Variants in SHB observed in about 807,000 individuals in gnomAD.
SHB encodes SH2 domain containing adaptor protein B.
SHB carries 20 observed loss-of-function variants against 52.3 expected under a neutral mutation model. The observed-to-expected ratio is 0.38, with a 90% confidence interval of 0.27 to 0.56. The LOEUF (loss-of-function observed/expected upper bound fraction) is 0.56. Among genes scored for constraint, SHB ranks in the 20% least tolerant of loss-of-function variants. The pLI, the probability that SHB is intolerant of heterozygous loss-of-function variation, is 0.71. For missense variants in SHB, 825 were observed against 723.3 expected, an observed-to-expected ratio of 1.14 and a Z score of -1.61; for synonymous variants, 397 against 316.5, an observed-to-expected ratio of 1.25 and a Z score of -2.70.
intron 2 of SHB, among the ~76,000 whole-genome samples, chr9:37,991,911 C>T (rs899953980): frequency 6.6e-6 from 1 of 152,222 alleles, no homozygotes; most frequent in Non-Finnish European, 1.5e-5. Flanking sequence ...TTACAGGCAG[C>T]ACCACGACAG....
chr9:37,957,992 C>T (rs1245546165), intron 3 of SHB, among the ~76,000 whole-genome samples: 1 of 152,160 alleles, frequency 6.6e-6, no homozygotes, highest in South Asian at 2.1e-4. Context: ...GCTGGGCTTC[C>T]TAGTCTTGGG....
At chr9:37,960,263 C>G (rs940300393) in intron 3 of SHB, among the ~76,000 whole-genome samples, 1 of 152,228 alleles carries the variant, frequency 6.6e-6, no homozygotes, top group African/African-American at 2.4e-5. Context: ...TGCTCTCATT[C>G]CTTCTAATTA....
chr9:37,967,370 T>C (rs1820539126), intron 3 of SHB, among the ~76,000 whole-genome samples: 1 of 152,152 alleles, frequency 6.6e-6, no homozygotes, highest in Non-Finnish European at 1.5e-5. Flanking sequence ...TGATGAGGCT[T>C]TGAAGGTGTC....
intron 3 of SHB, among the ~76,000 whole-genome samples, chr9:37,966,350 T>C (rs550646968): frequency 6.6e-6 from 1 of 152,342 alleles, no homozygotes; most frequent in Non-Finnish European, 1.5e-5. Context: ...TCTATCAATG[T>C]AATTAGCAGA....
At position 37,997,682 on chromosome 9, in the gene SHB, T is replaced by G. The variant is rs956725797; in HGVS notation, c.838+18329A>C. ...TACTGCTACCCCAAGTTATCTCATC[T>G]TTGTGGTTGGCCTTCTGGGCTGTCC... On this transcript the variant is annotated intron_variant, in intron 2 of 5. Coordinates refer to ENST00000377707, the MANE Select transcript of SHB (RefSeq NM_003028.3). Among the ~76,000 whole-genome samples the G allele has an allele frequency of 4.6e-5, 7 of 152,180 alleles. No individual in the cohort carries two copies. The South Asian group carries it at 1.5e-3, about 32-fold the overall frequency.
intron 1 of SHB, among the ~76,000 whole-genome samples, chr9:38,032,973 T>G (rs573273661): frequency 1.4e-4 from 21 of 152,326 alleles, no homozygotes; most frequent in Admixed American, 1.2e-3. Flanking sequence ...AGTGCTAAAA[T>G]ATGCTGGCTG....
At chr9:38,032,083 G>C (rs528368300) in intron 1 of SHB, among the ~76,000 whole-genome samples, 1 of 152,194 alleles carries the variant, frequency 6.6e-6, no homozygotes, top group Non-Finnish European at 1.5e-5. Flanking sequence ...CGAGAACCTC[G>C]GACCAGACCC....
intron 5 of SHB, among the ~76,000 whole-genome samples, chr9:37,936,054 A>AC (rs1327721099): frequency 6.6e-6 from 1 of 151,740 alleles, no homozygotes; most frequent in African/African-American, 2.4e-5. Flanking sequence ...AAAAAAAAAA[A>AC]AAAATACAAC....
chr9:37,948,863 C>A, intron 4 of SHB, 109 bp from the exon 5 acceptor site: 3 of 1,420,854 alleles, frequency 2.1e-6, no homozygotes. Context: ...TACAAGCAGG[C>A]ATGCACTGGT....
At chr9:38,057,926 CG>C (rs1373566420) in intron 1 of SHB, among the ~76,000 whole-genome samples, 3 of 152,214 alleles carry the variant, frequency 2.0e-5, no homozygotes, top group African/African-American at 7.2e-5. Context: ...GAGACTTAAT[CG>C]CTGCACTGTC....
intron 5 of SHB, among the ~76,000 whole-genome samples, chr9:37,926,223 T>A (rs1170145208): frequency 6.7e-6 from 1 of 150,262 alleles, no homozygotes; most frequent in Non-Finnish European, 1.5e-5. Context: ...ATGGCAATTC[T>A]GCCTCTTGAA....
chr9:37,942,211 C>G (rs1832442563), intron 5 of SHB, among the ~76,000 whole-genome samples: 1 of 152,192 alleles, frequency 6.6e-6, no homozygotes, highest in African/African-American at 2.4e-5. Context: ...GACTGAGTAC[C>G]CAGCAGTCAA....
chr9:37,996,204 G>A (rs1353282998), intron 2 of SHB, among the ~76,000 whole-genome samples: 1 of 152,198 alleles, frequency 6.6e-6, no homozygotes, highest in Non-Finnish European at 1.5e-5. Flanking sequence ...GAAGCCACCA[G>A]GCCATCTGTC....
At chr9:38,006,915 G>A (rs1821082340) in intron 2 of SHB, among the ~76,000 whole-genome samples, 1 of 152,162 alleles carries the variant, frequency 6.6e-6, no homozygotes, top group African/African-American at 2.4e-5. Flanking sequence ...CCCTGGCCCT[G>A]GGGACAAGTC....
At chr9:37,956,715 A>G (rs1832639809) in intron 3 of SHB, among the ~76,000 whole-genome samples, 1 of 152,054 alleles carries the variant, frequency 6.6e-6, no homozygotes, top group Admixed American at 6.5e-5. Flanking sequence ...CTTGAGGGAG[A>G]CCCTGGAGAC....
At chr9:38,034,917 G>A (rs1389606018) in intron 1 of SHB, among the ~76,000 whole-genome samples, 1 of 152,192 alleles carries the variant, frequency 6.6e-6, no homozygotes, top group African/African-American at 2.4e-5. Flanking sequence ...GGCTGGTCTA[G>A]AACTCCTGGC....
At chr9:38,046,333 C>T (rs955236789) in intron 1 of SHB, among the ~76,000 whole-genome samples, 1 of 152,174 alleles carries the variant, frequency 6.6e-6, no homozygotes, top group East Asian at 1.9e-4. Context: ...CAACAGAAAC[C>T]GTGTTGCTGC....
intron 1 of SHB, among the ~76,000 whole-genome samples, chr9:38,044,526 G>A (rs992735339): frequency 4.0e-5 from 6 of 150,988 alleles, no homozygotes; most frequent in Non-Finnish European, 8.8e-5. Flanking sequence ...CCATAGAGGA[G>A]GTGGTAATTA....
intron 2 of SHB, among the ~76,000 whole-genome samples, chr9:38,000,795 ATC>A (rs907674088): frequency 1.3e-5 from 2 of 152,216 alleles, no homozygotes; most frequent in African/African-American, 4.8e-5. Context: ...GGGTTGAGGG[ATC>A]TCACAAAATG....
Sources: allele counts gnomAD v4.1 joint callset (sites outside exome capture counted in the v4.1 genomes callset), GRCh38; gene constraint gnomAD v4.1.1; transcripts MANE v1.5; gene names NCBI Gene and HGNC (gene_info 2026-07-23, HGNC 2026-07-21).